ATP2C1: variants seen among roughly 807,000 people sequenced by gnomAD.
The protein encoded by ATP2C1 is calcium-transporting ATPase type 2C member 1.
In ATP2C1, 31 loss-of-function variants were observed where a neutral mutation model predicts 120.5. The ratio of observed to expected loss-of-function variants is 0.26; its 90% CI spans 0.19 to 0.35. The LOEUF (loss-of-function observed/expected upper bound fraction) is 0.35. Ranked by LOEUF, ATP2C1 falls within the 10% of genes least tolerant of loss-of-function variation. The pLI is 1.00. For synonymous variants in ATP2C1, 351 were observed against 358.7 expected (o/e 0.98, Z 0.24); for missense variants, 731 against 1,107.5 (o/e 0.66, Z 4.83).
downstream of ATP2C1, among the ~76,000 whole-genome samples, chr3:131,005,608 C>T (rs1477931604): frequency 6.6e-6 from 1 of 152,144 alleles, no homozygotes; most frequent in Non-Finnish European, 1.5e-5. Flanking sequence ...ATTTCCCAGA[C>T]GGATGTGTTA....
intron 8 of ATP2C1, among the ~76,000 whole-genome samples, chr3:130,946,248 C>T (rs142524659): frequency 1.8e-4 from 27 of 152,284 alleles, no homozygotes; most frequent in African/African-American, 6.3e-4. Flanking sequence ...CTAACTGGGG[C>T]CAAGCTCAGG....
In ATP2C1 at chr3:130,979,204, G is replaced by T; in HGVS notation, c.1571-45G>T. On this transcript the variant is annotated intron_variant, in intron 18 of 27. Transcript: ENST00000510168. ...ATCAACTAAATTCTGATGTTTTCAT[G>T]ACTCACTTTTTTTTGTTGTTGTTTG... The T allele has an allele frequency of 1.9e-6, 3 of 1,596,120 alleles. No individual in the cohort carries two copies. In the South Asian group the frequency reaches 3.3e-5, roughly 18 times the overall value.
intron 1 of ATP2C1, among the ~76,000 whole-genome samples, chr3:130,873,998 T>C (rs2068518913): frequency 1.3e-5 from 2 of 151,604 alleles, no homozygotes; most frequent in Non-Finnish European, 2.9e-5. Context: ...TAATCCCAGC[T>C]ACTCAGAAGG....
At position 130,941,548 on chromosome 3, in the gene ATP2C1, A is replaced by T. The variant is rs752732653; in HGVS notation, c.423-43A>T. ...TAATTTTTTAAGACAAGTTGCATGA[A>T]TTTTTTTTTTTTAACCATGGTTGTT... On this transcript the variant is annotated intron_variant, in intron 7 of 27. Coordinates refer to ENST00000510168, the MANE Select transcript of ATP2C1 (RefSeq NM_001378687.1). 29 of 1,174,970 alleles carry T rather than the reference A, an allele frequency of 2.5e-5. No homozygotes were observed. In the African/African-American group the frequency reaches 3.0e-4, roughly 12 times the overall value. The allele number at this position is 1,174,970 out of a possible 1,614,324, so 72.8% of individuals were successfully genotyped here.
At chr3:130,892,739 T>C (rs987671132), upstream of ATP2C1, among the ~76,000 whole-genome samples, 4 of 152,060 alleles carry the variant, frequency 2.6e-5, no homozygotes, top group Non-Finnish European at 5.9e-5. Flanking sequence ...TTGATAGTGA[T>C]TTTTATGGGT....
intron 26 of ATP2C1, among the ~76,000 whole-genome samples, chr3:131,012,260 CTTTTTT>C (rs71620100): frequency 5.9e-4 from 75 of 127,202 alleles, no homozygotes; most frequent in South Asian, 7.6e-4. Flanking sequence ...TTTCTTTTTT[CTTTTTT>C]TTTTTTTTTT....
intron 21 of ATP2C1, among the ~76,000 whole-genome samples, chr3:130,993,307 G>A (rs756872148): frequency 7.2e-5 from 11 of 152,152 alleles, no homozygotes; most frequent in Non-Finnish European, 1.2e-4. Context: ...GCAGTAATTA[G>A]TTAGAAACTA....
At chr3:130,902,366 A>G (rs1436192433) in intron 2 of ATP2C1, among the ~76,000 whole-genome samples, 2 of 92,728 alleles carry the variant, frequency 2.2e-5, no homozygotes, top group African/African-American at 8.1e-5. Context: ...AGTAGCTTTT[A>G]TAATCTTAAT....
chr3:130,996,643 TCTA>T, intron 23 of ATP2C1, 34 bp from the exon 24 acceptor site: 1 of 1,323,336 alleles, frequency 7.6e-7, no homozygotes, highest in Non-Finnish European at 1.1e-6. Context: ...ACAGATTTAC[TCTA>T]CTGATATTTT....
intron 1 of ATP2C1, among the ~76,000 whole-genome samples, chr3:130,866,043 C>T (rs1430856607): frequency 6.6e-6 from 1 of 152,056 alleles, no homozygotes; most frequent in Admixed American, 6.5e-5. Flanking sequence ...CTCTAGAATC[C>T]TCCTTTTTTG....
intron 26 of ATP2C1, chr3:131,014,145 G>A (rs1317028853): frequency 6.8e-6 from 11 of 1,613,386 alleles, no homozygotes; most frequent in East Asian, 2.2e-5. Context: ...CCAACACTTG[G>A]TGTGTGCAGT....
rs761631898 is a variant in ATP2C1, at chr3:130,967,209, T to G, written c.1187T>G (p.Phe396Cys). The change falls in exon 15 of 28, where the codon TTC (phenylalanine) becomes TGC (cysteine). Residue 396 changes from phenylalanine (F) to cysteine (C), a missense_variant. Around this residue, in one of 3 missense-constraint regions of ATP2C1, gnomAD observed 571 missense variants for 845.9 expected, o/e 0.67. Coordinates refer to ENST00000510168, the MANE Select transcript of ATP2C1 (RefSeq NM_001378687.1). ...VIVDGDVVHG[F>C]YNPAVSRIVE... ...GTTGATGGTGATGTTGTTCATGGAT[T>G]CTATAACCCAGCTGTTAGCAGAATT... The G allele has an allele frequency of 2.5e-6, 4 of 1,613,902 alleles. No individual in the cohort carries two copies. Among genetic ancestry groups the G allele is most frequent in the Non-Finnish European group, 3.4e-6 (4 of 1,179,820 alleles).
In ATP2C1 at chr3:130,894,604, G is replaced by C. The variant is rs938862064; in HGVS notation, c.-166G>C. On this transcript the variant is annotated 5_prime_UTR_variant, in exon 2 of 28. Coordinates refer to ENST00000510168, the MANE Select transcript of ATP2C1 (RefSeq NM_001378687.1). This position sits in a 1 kb window ranked among gnomAD's most constrained non-coding sequence, Gnocchi z 4.5. The stretch of plus-strand genomic sequence containing the variant: ...TTCTCTTGCAGATGCTGCTGCTAGG[G>C]GTGGTGGGAGCAGCCGTGGGACGCG... 10 of 1,554,830 alleles carry C rather than the reference G, an allele frequency of 6.4e-6. No homozygotes were observed. Among genetic ancestry groups the C allele is most frequent in the Non-Finnish European group, 8.7e-6 (10 of 1,148,972 alleles).
chr3:130,936,430 A>G (rs901118705), intron 5 of ATP2C1, among the ~76,000 whole-genome samples: 5 of 152,214 alleles, frequency 3.3e-5, no homozygotes, highest in African/African-American at 1.2e-4. Context: ...TATATTCTAC[A>G]TTGCAGATTA....
intron 11 of ATP2C1, among the ~76,000 whole-genome samples, chr3:130,958,446 T>G (rs1388233964): frequency 6.6e-6 from 1 of 152,182 alleles, no homozygotes; most frequent in African/African-American, 2.4e-5. Flanking sequence ...TGGACATAAT[T>G]TCTTTCATCA....
intron 17 of ATP2C1, among the ~76,000 whole-genome samples, chr3:130,970,369 T>TACACACACACACACACACACACAC (rs201337484): frequency 2.3e-5 from 3 of 130,696 alleles, no homozygotes; most frequent in African/African-American, 8.8e-5. Context: ...AAAAAAAAAT[T>TACACACACACACACACACACACAC]ACACACACAC....
In ATP2C1 at chr3:130,992,989, G is replaced by A; in HGVS notation, c.1878G>A (p.Met626Ile). The change falls in exon 21 of 28, where the codon ATG (methionine) becomes ATA (isoleucine). Residue 626 changes from methionine (M) to isoleucine (I), a missense_variant. Transcript: ENST00000510168. Reference sequence around the variant, plus strand: ...ACAGAGCTAGCCCAAGGCACAAGATGAAAATTATTAAGGTGAGTGTGTAAG... The same window carrying A: ...ACAGAGCTAGCCCAAGGCACAAGATAAAAATTATTAAGGTGAGTGTGTAAG... Reference protein sequence around the residue: ...VFYRASPRHKMKIIKSLQKNG... With the variant: ...VFYRASPRHKIKIIKSLQKNG... 1 of 1,612,296 alleles carries A rather than the reference G, an allele frequency of 6.2e-7. No individual in the cohort carries two copies. Among genetic ancestry groups the A allele is most frequent in the South Asian group, 1.1e-5 (1 of 91,028 alleles).
chr3:130,898,229 T>C (rs2069809528), intron 2 of ATP2C1, among the ~76,000 whole-genome samples: 1 of 152,206 alleles, frequency 6.6e-6, no homozygotes, highest in African/African-American at 2.4e-5. Context: ...TTTAAGATTA[T>C]AGACAGAGCT....
intron 2 of ATP2C1, among the ~76,000 whole-genome samples, chr3:130,898,080 T>C (rs2069794540): frequency 6.6e-6 from 1 of 152,204 alleles, no homozygotes; most frequent in Admixed American, 6.5e-5. Context: ...TAGTAATGGA[T>C]TTATTTTTTG....
Sources: gnomAD v4.1 joint callset for allele counts (sites outside exome capture counted in the v4.1 genomes callset) on GRCh38, gnomAD v4.1.1 for gene constraint, gnomAD v4.1.1 regional missense constraint, Gnocchi (gnomAD v3.1) non-coding constraint, MANE v1.5 for transcripts, NCBI Gene and HGNC (gene_info 2026-07-23, HGNC 2026-07-21) for gene names.